Variants in ELF1 observed in about 807,000 individuals in gnomAD.
The protein encoded by ELF1 is E74 like ETS transcription factor 1, also known as ETS-related transcription factor Elf-1.
ELF1 carries 24 observed loss-of-function variants against 59.9 expected under a neutral mutation model. The ratio of observed to expected loss-of-function variants is 0.40; its 90% CI spans 0.29 to 0.56. ELF1 has a LOEUF of 0.56. Among genes scored for constraint, ELF1 ranks in the 20% least tolerant of loss-of-function variants. ELF1 has a pLI of 0.44. For synonymous variants in ELF1, 248 were observed against 266.2 expected (o/e 0.93, Z 0.67); for missense variants, 627 against 742.2 (o/e 0.84, Z 1.80).
intron 1 of ELF1, among the ~76,000 whole-genome samples, chr13:41,017,911 T>G (rs548354368): frequency 8.5e-5 from 13 of 152,308 alleles, no homozygotes; most frequent in African/African-American, 3.1e-4. Context: ...ACAAAGATGA[T>G]AGCAAATGGC....
At chr13:41,025,079 C>G (rs1168559706) in intron 1 of ELF1, among the ~76,000 whole-genome samples, 1 of 152,086 alleles carries the variant, frequency 6.6e-6, no homozygotes, top group Non-Finnish European at 1.5e-5. Flanking sequence ...AAATTAAAAG[C>G]CAGACTATTA....
chr13:40,934,501 T>C (rs1179597281), intron 8 of ELF1, among the ~76,000 whole-genome samples: 5 of 150,388 alleles, frequency 3.3e-5, no homozygotes, highest in Non-Finnish European at 7.4e-5. Flanking sequence ...TGGCTCACTG[T>C]AGCTTCTGCC....
At chr13:41,032,220 C>CT (rs1211033601) in intron 1 of ELF1, among the ~76,000 whole-genome samples, 578 of 142,830 alleles carry the variant, frequency 4.0e-3, no homozygotes, top group Non-Finnish European at 5.5e-3. Flanking sequence ...TATTTATTTA[C>CT]TTTTTTTTTT....
At chr13:41,060,944 C>CGCCGCCGCCGCCGCCGCT (rs1210294443) in exon 1 of ELF1, 53 of 265,264 alleles carry the variant, frequency 2.0e-4, no homozygotes, top group Middle Eastern at 1.1e-3. Flanking sequence ...CCGCCGCCGC[C>CGCCGCCGCCGCCGCCGCT]GCTGCTGCTG....
intron 1 of ELF1, among the ~76,000 whole-genome samples, chr13:40,996,088 T>G (rs1271029846): frequency 6.6e-6 from 1 of 152,164 alleles, no homozygotes; most frequent in Non-Finnish European, 1.5e-5. Flanking sequence ...CATATGTCAC[T>G]GGGGAAATGC....
chr13:41,007,215 C>A (rs141984073), intron 1 of ELF1, among the ~76,000 whole-genome samples: 1 of 152,102 alleles, frequency 6.6e-6, no homozygotes, highest in African/African-American at 2.4e-5. Context: ...GAGGTCTTAG[C>A]AGGAAGCCCA....
intron 8 of ELF1, among the ~76,000 whole-genome samples, chr13:40,936,217 CCA>C (rs754629152): frequency 8.5e-5 from 13 of 152,074 alleles, no homozygotes; most frequent in African/African-American, 2.9e-4. Context: ...TGCCGCCTTA[CCA>C]TTACAACAGA....
chr13:40,962,887 T>C (rs1270770992), intron 2 of ELF1, among the ~76,000 whole-genome samples: 3 of 152,184 alleles, frequency 2.0e-5, no homozygotes, highest in African/African-American at 7.2e-5. Flanking sequence ...TTTTGCTTTG[T>C]TAATATTTTG....
chr13:41,008,321 A>G (rs1270845765), intron 1 of ELF1, among the ~76,000 whole-genome samples: 1 of 152,204 alleles, frequency 6.6e-6, no homozygotes. Context: ...AAATTTTTCC[A>G]AAAATTAATA....
rs369910337 is a variant in ELF1 at position 40,953,883 on chromosome 13, G to A, written c.254-2447C>T. ...AAAGGGAAGAAAAAACACAAACAGA[G>A]AATCTGGTTTCCTCTCTGAGAACTA... On this transcript the variant is annotated intron_variant, in intron 3 of 8. Transcript: ENST00000239882. Among the ~76,000 whole-genome samples, 3 of 152,312 alleles carry A rather than the reference G, an allele frequency of 2.0e-5. No individual in the cohort carries two copies. In the East Asian group the frequency reaches 5.8e-4, roughly 29 times the overall value.
intron 1 of ELF1, among the ~76,000 whole-genome samples, chr13:41,002,647 C>T (rs775186863): frequency 6.7e-5 from 10 of 150,068 alleles, no homozygotes; most frequent in Non-Finnish European, 1.2e-4. Flanking sequence ...AAATCAGTGT[C>T]GTCTATATTC....
chr13:40,951,605 C>T (rs1658141935), intron 3 of ELF1, 169 bp from the exon 4 acceptor site: 3 of 429,506 alleles, frequency 7.0e-6, no homozygotes, highest in South Asian at 5.3e-5. Context: ...GGCGCAGTGG[C>T]TCATTCCTGT....
chr13:40,966,866 C>T (rs565998647), intron 2 of ELF1, among the ~76,000 whole-genome samples: 2 of 152,238 alleles, frequency 1.3e-5, no homozygotes, highest in South Asian at 2.1e-4. Flanking sequence ...AGCATTTTTC[C>T]AAAGCAGACA....
At chr13:40,978,107 C>T (rs1873028417) in intron 2 of ELF1, among the ~76,000 whole-genome samples, 1 of 152,064 alleles carries the variant, frequency 6.6e-6, no homozygotes, top group African/African-American at 2.4e-5. Flanking sequence ...AGGCCGGGGG[C>T]GGTGGCTCAT....
At chr13:41,056,097 C>CA (rs1465772137) in intron 1 of ELF1, among the ~76,000 whole-genome samples, 1 of 152,150 alleles carries the variant, frequency 6.6e-6, no homozygotes, top group Non-Finnish European at 1.5e-5. Context: ...ATAGAACTAT[C>CA]ACTGTAATCT....
intron 1 of ELF1, among the ~76,000 whole-genome samples, chr13:41,007,124 T>C (rs889810416): frequency 6.6e-6 from 1 of 152,078 alleles, no homozygotes; most frequent in African/African-American, 2.4e-5. Flanking sequence ...CAAAGCATCC[T>C]ATCTTCAATG....
chr13:41,019,232 A>G lies in ELF1; in HGVS notation c.-233T>C. The G allele has an allele frequency of 1.0e-6, 1 of 985,470 alleles. No individual in the cohort carries two copies. Among genetic ancestry groups the G allele is most frequent in the Non-Finnish European group, 1.2e-6 (1 of 829,932 alleles). 61.0% of individuals were successfully genotyped at this position (985,470 alleles called of 1,614,324 possible). A position where few individuals can be genotyped will look rare whatever the true frequency, so the allele number is the denominator to read the frequency against. ...TACAAAATTGTAACAAGTTACCTTC[A>G]AGTATTCTTTCTCTATCGTCTTTTG... On this transcript the variant is annotated 5_prime_UTR_variant, in exon 1 of 9. Transcript: ENST00000239882.
chr13:41,023,306 A>C (rs1180368054), upstream of ELF1, among the ~76,000 whole-genome samples: 5 of 152,176 alleles, frequency 3.3e-5, no homozygotes, highest in African/African-American at 1.2e-4. Context: ...GAATACTCTA[A>C]TTTCCATATC....
chr13:40,986,903 G>A (rs966958108), intron 1 of ELF1, among the ~76,000 whole-genome samples: 2 of 148,916 alleles, frequency 1.3e-5, no homozygotes, highest in African/African-American at 2.5e-5. Context: ...TTAAACCCAC[G>A]AATTCATAAA....
Sources: gnomAD v4.1 joint callset for allele counts (sites outside exome capture counted in the v4.1 genomes callset) on GRCh38, gnomAD v4.1.1 for gene constraint, MANE v1.5 for transcripts, NCBI Gene and HGNC (gene_info 2026-07-23, HGNC 2026-07-21) for gene names.